ATRX: variants seen among roughly 807,000 people sequenced by gnomAD.
The protein encoded by ATRX is chromatin remodeler ATRX.
ATRX carries 12 observed loss-of-function variants against 172.6 expected under a neutral mutation model. The ratio of observed to expected loss-of-function variants is 0.07; its 90% confidence interval spans 0.04 to 0.11. ATRX has a LOEUF of 0.11. ATRX is among the 10% of genes least tolerant of loss of function. The pLI, the probability that ATRX is intolerant of heterozygous loss-of-function variation, is 1.00. For missense variants in ATRX, 1,368 were observed against 1,767.4 expected (o/e 0.77, Z 4.05); for synonymous variants, 674 against 594.7 (o/e 1.13, Z -1.94).
chrX:77,639,805 A>T (rs2068564263), intron 15 of ATRX, among the ~76,000 whole-genome samples: 1 of 112,236 alleles, frequency 8.9e-6, no homozygotes. Context: ...TAATATAAGG[A>T]AACTTTATTT....
chrX:77,738,852 G>A (rs12395309), intron 1 of ATRX, among the ~76,000 whole-genome samples: 57,268 of 110,308 alleles, frequency 0.52, 12,907 homozygotes, highest in Non-Finnish European at 0.69. Context: ...CATGTTCCCG[G>A]CTAAAACTAA....
At chrX:77,716,342 A>ATC (rs1557165137) in intron 2 of ATRX, among the ~76,000 whole-genome samples, 19 of 91,249 alleles carry the variant, frequency 2.1e-4, no homozygotes, top group African/African-American at 7.2e-4. Flanking sequence ...ATATATATAT[A>ATC]TATATATCTT....
At chrX:77,784,246 T>A (rs556959879) in intron 1 of ATRX, among the ~76,000 whole-genome samples, 1 of 111,944 alleles carries the variant, frequency 8.9e-6, no homozygotes, top group Non-Finnish European at 1.9e-5. Flanking sequence ...ACCAAGTACT[T>A]ACCTCACAGG....
intron 2 of ATRX, among the ~76,000 whole-genome samples, chrX:77,699,780 AT>A (rs782625336): frequency 3.6e-5 from 4 of 112,025 alleles, no homozygotes; most frequent in African/African-American, 1.3e-4. Flanking sequence ...ATGAGATTAA[AT>A]TAGCAATAAA....
chrX:77,564,657 T>C (rs1247573413), intron 28 of ATRX, among the ~76,000 whole-genome samples: 1 of 110,515 alleles, frequency 9.0e-6, no homozygotes, highest in Non-Finnish European at 1.9e-5. Context: ...AATGCTGGGA[T>C]TACAGGTGTG....
intron 30 of ATRX, among the ~76,000 whole-genome samples, chrX:77,556,031 C>T (rs1461397062): frequency 9.5e-6 from 1 of 105,818 alleles, no homozygotes; most frequent in Non-Finnish European, 1.9e-5. Flanking sequence ...AAAAAAATTG[C>T]TGGGCGTGGT....
intron 27 of ATRX, among the ~76,000 whole-genome samples, chrX:77,580,147 A>G (rs185911603): frequency 8.9e-6 from 1 of 112,000 alleles, no homozygotes; most frequent in Admixed American, 9.5e-5. Context: ...ATAAAAAAGA[A>G]TAAAGCAGGC....
intron 1 of ATRX, among the ~76,000 whole-genome samples, chrX:77,733,496 C>A (rs1223324523): frequency 3.6e-5 from 4 of 110,213 alleles, no homozygotes; most frequent in African/African-American, 1.3e-4. Context: ...GAAACAAATC[C>A]ACACATCTAC....
chrX:77,733,656 G>A (rs2074396746), intron 1 of ATRX, among the ~76,000 whole-genome samples: 1 of 99,192 alleles, frequency 1.0e-5, no homozygotes, highest in Non-Finnish European at 2.0e-5. Context: ...ATCACTTGAG[G>A]TCAGGAGTTT....
At chrX:77,661,989 T>C (rs782651578) in intron 12 of ATRX, among the ~76,000 whole-genome samples, 1 of 111,454 alleles carries the variant, frequency 9.0e-6, no homozygotes, top group Admixed American at 9.6e-5. Context: ...TAAAATTTTT[T>C]TCCCTGCTTG....
intron 12 of ATRX, among the ~76,000 whole-genome samples, chrX:77,658,359 A>C (rs2069666707): frequency 8.9e-6 from 1 of 112,365 alleles, no homozygotes; most frequent in African/African-American, 3.2e-5. Context: ...AACAGTTGAG[A>C]AAATAAGGAA....
chrX:77,749,377 T>C (rs1177079370), intron 1 of ATRX, among the ~76,000 whole-genome samples: 1 of 111,506 alleles, frequency 9.0e-6, no homozygotes, highest in African/African-American at 3.3e-5. Context: ...TTAGGTTGAT[T>C]CCATATCTTT....
At position 77,664,741 on chromosome X, in the gene ATRX, T is replaced by C; in HGVS notation, c.3847A>G (p.Asn1283Asp). Residue 1283 changes from asparagine to aspartate, a missense_variant, in exon 11 of 35, where the codon AAT (asparagine) becomes GAT (aspartate). This residue lies in a region of ATRX where 119 missense variants were observed against 131.3 expected (regional missense o/e 0.91). Coordinates refer to ENST00000373344, the MANE Select transcript of ATRX (RefSeq NM_000489.6). ...KKMLLEEIKA[N>D]LSSDEDGSSD... ...GATCCATCCTCATCAGAGGAAAGAT[T>C]GGCTTTAATTTCTTCTAAAAGCATC... 1.7e-6 allele frequency: 2 copies of C among 1,208,020 alleles called. No individual in the cohort carries two copies. The highest frequency in any genetic ancestry group is 2.2e-6 in the Non-Finnish European group (2 of 892,696).
At chrX:77,738,187 T>G (rs1365528474) in intron 1 of ATRX, among the ~76,000 whole-genome samples, 5 of 108,098 alleles carry the variant, frequency 4.6e-5, no homozygotes, top group African/African-American at 1.7e-4. Context: ...TTTTTTAAAT[T>G]AGCCGGCTGT....
intron 7 of ATRX, among the ~76,000 whole-genome samples, chrX:77,687,971 CTT>C: frequency 9.0e-6 from 1 of 111,567 alleles, no homozygotes; most frequent in East Asian, 2.8e-4. Context: ...AAATTTCCCT[CTT>C]GTTGTCCAGG....
chrX:77,613,356 T>C (rs1404667195), intron 22 of ATRX, among the ~76,000 whole-genome samples: 2 of 111,266 alleles, frequency 1.8e-5, no homozygotes, highest in African/African-American at 6.5e-5. Flanking sequence ...ATGTTGAGCA[T>C]TTTTTTATGT....
intron 2 of ATRX, 69 bp from the exon 3 acceptor site, chrX:77,698,698 A>G (rs1467637397): frequency 6.9e-6 from 6 of 875,451 alleles, no homozygotes; most frequent in African/African-American, 2.0e-5. Context: ...ATCAATACCT[A>G]TAACTCCACA....
intron 11 of ATRX, among the ~76,000 whole-genome samples, 193 bp downstream of exon 11, chrX:77,664,452 T>C (rs1393232027): frequency 9.0e-6 from 1 of 110,869 alleles, no homozygotes; most frequent in Non-Finnish European, 1.9e-5. Flanking sequence ...GGTTTCACCA[T>C]GTTGGTCAGG....
intron 27 of ATRX, among the ~76,000 whole-genome samples, chrX:77,581,036 A>G (rs1447213665): frequency 8.9e-6 from 1 of 111,773 alleles, no homozygotes; most frequent in Admixed American, 9.5e-5. Flanking sequence ...TCCAAGCCTC[A>G]TGGGAGCCAC....
Sources: gnomAD v4.1 joint callset for allele counts (sites outside exome capture counted in the v4.1 genomes callset) on GRCh38, gnomAD v4.1.1 for gene constraint, gnomAD v4.1.1 regional missense constraint, MANE v1.5 for transcripts, NCBI Gene and HGNC (gene_info 2026-07-23, HGNC 2026-07-21) for gene names.